The following THEMIS variants were observed in gnomAD, a reference collection of about 807,000 sequenced individuals.
THEMIS encodes thymocyte selection associated.
A neutral mutation model predicts 52.6 loss-of-function variants in THEMIS; 37 were observed. The ratio of observed to expected loss-of-function variants is 0.70; its 90% CI spans 0.54 to 0.93. The LOEUF (loss-of-function observed/expected upper bound fraction) is 0.93. THEMIS is among the 40% of genes least tolerant of loss of function. The pLI, the probability that THEMIS is intolerant of heterozygous loss-of-function variation, is 0.00. For missense variants in THEMIS, 808 were observed against 763.1 expected, an observed-to-expected ratio of 1.06 and a Z score of -0.69; for synonymous variants, 292 against 272.7, an observed-to-expected ratio of 1.07 and a Z score of -0.70.
At chr6:127,729,204 T>C (rs1034666304) in intron 4 of THEMIS, among the ~76,000 whole-genome samples, 5 of 101,692 alleles carry the variant, frequency 4.9e-5, no homozygotes, top group East Asian at 3.0e-4. Flanking sequence ...CTCTCTCTCT[T>C]CACTCATCCC....
chr6:127,890,904 G>A (rs908421768), intron 1 of THEMIS, among the ~76,000 whole-genome samples: 4 of 151,808 alleles, frequency 2.6e-5, no homozygotes, highest in Admixed American at 1.3e-4. Flanking sequence ...TATGGAAAGC[G>A]GCATCCTCTT....
At chr6:127,778,427 A>C (rs990494067) in intron 4 of THEMIS, among the ~76,000 whole-genome samples, 1 of 152,168 alleles carries the variant, frequency 6.6e-6, no homozygotes, top group African/African-American at 2.4e-5. Flanking sequence ...ATCTGTAGAC[A>C]ACATGTAGTT....
At chr6:127,697,377 T>C in the THEMIS span, among the ~76,000 whole-genome samples, 3 of 152,200 alleles carry the variant, frequency 2.0e-5, no homozygotes, top group Non-Finnish European at 4.4e-5. Context: ...TGAAGGATTG[T>C]TGCATTAGCC....
intron 1 of THEMIS, among the ~76,000 whole-genome samples, chr6:127,899,968 C>T (rs963107283): frequency 6.0e-5 from 9 of 149,004 alleles, no homozygotes. Context: ...CTTTCTTTTA[C>T]TTTGCAACAT....
Position 127,908,829 on chromosome 6 carries a change from T to C in THEMIS, c.-149-7748A>G, listed in dbSNP as rs1267154306. Among the ~76,000 whole-genome samples, 13 of 152,190 alleles carry C rather than the reference T, an allele frequency of 8.5e-5. No homozygotes were observed. The East Asian group carries it at 2.5e-3, about 29-fold the overall frequency. On this transcript the variant is annotated intron_variant, in intron 1 of 6. Coordinates refer to the THEMIS transcript ENST00000368250. ...TTCTCTTTTTTTTTCACATTTGTTA[T>C]CTCTTATAACTGAGAGAAACTCAAA...
intron 3 of THEMIS, among the ~76,000 whole-genome samples, chr6:127,814,348 A>T (rs1447871416): frequency 6.6e-6 from 1 of 152,196 alleles, no homozygotes; most frequent in Non-Finnish European, 1.5e-5. Context: ...ATTTTATATG[A>T]AGGTTTATAA....
intron 4 of THEMIS, among the ~76,000 whole-genome samples, chr6:127,782,054 C>T (rs1393491770): frequency 6.6e-6 from 1 of 152,148 alleles, no homozygotes; most frequent in African/African-American, 2.4e-5. Flanking sequence ...GCAGTGTGCT[C>T]CACCCAGTTT....
At chr6:127,704,284 C>T (rs1465388948), downstream of THEMIS, among the ~76,000 whole-genome samples, 1 of 152,122 alleles carries the variant, frequency 6.6e-6, no homozygotes, top group African/African-American at 2.4e-5. Context: ...ACGCAAATGA[C>T]TGACAGTTTT....
intron 1 of THEMIS, among the ~76,000 whole-genome samples, chr6:127,866,922 C>T (rs554252018): frequency 2.7e-4 from 41 of 150,488 alleles, no homozygotes; most frequent in Non-Finnish European, 5.3e-4. Flanking sequence ...AGAGCTTTGG[C>T]TAAGGCTACT....
chr6:127,715,945 T>C (rs1774143836), intron 5 of THEMIS, among the ~76,000 whole-genome samples: 1 of 151,854 alleles, frequency 6.6e-6, no homozygotes, highest in Non-Finnish European at 1.5e-5. Context: ...GCTATGCATC[T>C]AGGTTGTGGC....
intron 4 of THEMIS, among the ~76,000 whole-genome samples, chr6:127,799,580 TTTC>T (rs869116868): frequency 6.9e-6 from 1 of 144,978 alleles, no homozygotes; most frequent in Admixed American, 6.7e-5. Flanking sequence ...TCTTTCTTTC[TTTC>T]TTTTTTTCTT....
intron 4 of THEMIS, among the ~76,000 whole-genome samples, chr6:127,804,919 C>T (rs2114575566): frequency 6.6e-6 from 1 of 152,114 alleles, no homozygotes; most frequent in Admixed American, 6.5e-5. Flanking sequence ...TGTCACAAGT[C>T]AGAATAATAT....
intron 4 of THEMIS, among the ~76,000 whole-genome samples, chr6:127,806,893 A>T (rs1028110398): frequency 6.6e-6 from 1 of 152,170 alleles, no homozygotes; most frequent in Non-Finnish European, 1.5e-5. Context: ...CTAACTTTCA[A>T]CCCAGCACTT....
At chr6:127,718,433 G>A (rs1018913808) in intron 5 of THEMIS, among the ~76,000 whole-genome samples, 9 of 151,814 alleles carry the variant, frequency 5.9e-5, no homozygotes, top group Non-Finnish European at 1.3e-4. Flanking sequence ...TGTAACATAC[G>A]CTGTACTACT....
At chr6:127,697,757 A>G in the THEMIS span, among the ~76,000 whole-genome samples, 1 of 152,028 alleles carries the variant, frequency 6.6e-6, no homozygotes, top group African/African-American at 2.4e-5. Flanking sequence ...TGAAATGTTC[A>G]TTTTCTTTAA....
At chr6:127,770,870 A>G (rs2114436410) in intron 4 of THEMIS, among the ~76,000 whole-genome samples, 1 of 152,312 alleles carries the variant, frequency 6.6e-6, no homozygotes, top group East Asian at 1.9e-4. Flanking sequence ...CATTTATTAA[A>G]TAGGGAATCC....
At chr6:127,782,189 G>T (rs1007729180) in intron 4 of THEMIS, among the ~76,000 whole-genome samples, 1 of 152,182 alleles carries the variant, frequency 6.6e-6, no homozygotes, top group African/African-American at 2.4e-5. Context: ...AGACTGCTGT[G>T]CTGGTAGCGA....
the THEMIS span, among the ~76,000 whole-genome samples, chr6:127,702,664 T>C: frequency 6.6e-6 from 1 of 151,994 alleles, no homozygotes; most frequent in Non-Finnish European, 1.5e-5. Context: ...TAGTCCATTT[T>C]CACTCTGCTG....
At chr6:127,837,583 T>G (rs1259623304) in intron 2 of THEMIS, among the ~76,000 whole-genome samples, 2 of 151,918 alleles carry the variant, frequency 1.3e-5, no homozygotes, top group Non-Finnish European at 2.9e-5. Context: ...GTGTTTGTGT[T>G]TCTGTGTGCA....
Sources: gnomAD v4.1 joint callset for allele counts (sites outside exome capture counted in the v4.1 genomes callset) on GRCh38, gnomAD v4.1.1 for gene constraint, MANE v1.5 for transcripts, NCBI Gene and HGNC (gene_info 2026-07-23, HGNC 2026-07-21) for gene names.